The following DMBT1 variants were observed in gnomAD, a reference collection of about 807,000 sequenced individuals.
DMBT1 encodes deleted in malignant brain tumors 1.
A neutral mutation model predicts 252.9 loss-of-function variants in DMBT1; 198 were observed. The ratio of observed to expected loss-of-function variants is 0.78; its 90% CI spans 0.70 to 0.88. The LOEUF is 0.88. DMBT1 is among the 40% of genes least tolerant of loss of function. The pLI, the probability that DMBT1 is intolerant of heterozygous loss-of-function variation, is 0.00. For missense variants in DMBT1, 2,432 were observed against 2,404.7 expected (o/e 1.01, Z -0.24); for synonymous variants, 990 against 942.7 (o/e 1.05, Z -0.92).
At position 122,579,675 on chromosome 10, in the gene DMBT1, T is replaced by C. The variant is rs200365433; in HGVS notation, c.777T>C (p.Cys259=). The C allele has an allele frequency of 1.1e-3, 1,800 of 1,613,854 alleles. 34 individuals are homozygous for C. In the South Asian group the frequency reaches 0.019, roughly 17 times the overall value. ...VLYRGSWGTV[C]DDYWDTNDAN... is the part of the protein sequence containing the mutation. ...ACCGAGGCTCCTGGGGCACCGTGTG[T>C]GATGACTACTGGGACACCAATGATG... Residue 259 remains cysteine (C), a synonymous_variant, in exon 10 of 56, where the codon TGT becomes TGC. Transcript: ENST00000338354.
chr10:122,568,984 T>C (rs2133516692), intron 2 of DMBT1, among the ~76,000 whole-genome samples: 1 of 152,316 alleles, frequency 6.6e-6, no homozygotes, highest in South Asian at 2.1e-4. Context: ...TGTGCGTACA[T>C]ATGTGTGTGC....
Position 122,592,397 on chromosome 10 carries a change from A to G in DMBT1, c.2302A>G (p.Asn768Asp). 6.3e-7 allele frequency: 1 copy of G among 1,588,506 alleles called. No homozygotes were observed. Among genetic ancestry groups the G allele is most frequent in the Non-Finnish European group, 8.6e-7 (1 of 1,165,828 alleles). Residue 768 changes from asparagine (N) to aspartate (D), a missense_variant, in exon 20 of 56, where the codon AAT (asparagine) becomes GAT (aspartate). This residue lies in a region of DMBT1 where 1,264 missense variants were observed against 1,082.2 expected (regional missense o/e 1.17). Coordinates refer to ENST00000338354, the MANE Select transcript of DMBT1 (RefSeq NM_001377530.1). ...CDDSWDTNDA[N>D]VVCRQLGCGW... The stretch of plus-strand genomic sequence containing the variant: ...TGACAGCTGGGATACCAATGATGCC[A>G]ATGTGGTCTGCAGGCAGCTGGGCTG...
chr10:122,579,846 T>C lies in DMBT1; in HGVS notation c.948T>C (p.Asn316=), dbSNP rs202149132. 2 of 1,611,762 alleles carry C rather than the reference T, an allele frequency of 1.2e-6. No individual in the cohort carries two copies. Among genetic ancestry groups the C allele is most frequent in the South Asian group, 1.1e-5 (1 of 90,976 alleles). ...CCTACCTGTGGAGCTGCCCCCACAA[T>C]GGCTGGCTCACCCACAACTGTGGCC... ...HESYLWSCPH[N]GWLTHNCGHS... The change falls in exon 10 of 56, where the codon AAT becomes AAC. Residue 316 remains asparagine (N), a synonymous_variant. Transcript: ENST00000338354.
rs895372681 is a variant in DMBT1 at position 122,633,193 on chromosome 10, G to A, written c.6400G>A (p.Asp2134Asn). Residue 2134 changes from aspartate to asparagine, a missense_variant and splice_region_variant, in exon 52 of 56, where the codon GAT (aspartate) becomes AAT (asparagine). Coordinates refer to ENST00000338354, the MANE Select transcript of DMBT1 (RefSeq NM_001377530.1). ...ATTCCCACTTTTTGTCCTGACAGCA[G>A]ATTATTCCTGCGGAGGCTTCCTATC... is the stretch of plus-strand genomic sequence containing the variant. ...PFLNITRPNTDYSCGGFLSQP... is the reference protein window; with the variant it reads ...PFLNITRPNTNYSCGGFLSQP... 4 of 1,613,914 alleles carry A rather than the reference G, an allele frequency of 2.5e-6. No homozygotes were observed. In the Admixed American group the frequency reaches 5.0e-5, roughly 20 times the overall value.
chr10:122,629,684 G>C (rs1203253060), intron 46 of DMBT1, among the ~76,000 whole-genome samples, 156 bp from the exon 47 acceptor site: 1 of 152,220 alleles, frequency 6.6e-6, no homozygotes, highest in Non-Finnish European at 1.5e-5. Context: ...GGGCCACCTA[G>C]AACCAGGCCC....
At chr10:122,576,287 A>C (rs1325390452) in intron 6 of DMBT1, 112 bp from the exon 7 acceptor site, 3 of 1,447,108 alleles carry the variant, frequency 2.1e-6, no homozygotes, top group African/African-American at 1.4e-5. Flanking sequence ...CAGCCCAATT[A>C]GAGATTCTCT....
chr10:122,643,168 C>G lies in DMBT1; in HGVS notation c.7399C>G (p.Arg2467Gly), dbSNP rs763374104. Residue 2467 changes from arginine (R) to glycine (G), a missense_variant, in exon 56 of 56, where the codon CGC (arginine) becomes GGC (glycine). Transcript: ENST00000338354. The stretch of plus-strand genomic sequence containing the variant: ...CGGACCCTACTCCTCGCCATCTCTT[C>G]GCATTGCCCGCTTCCGGTTCAGGGC... ...TYGPYSSPSL[R>G]IARFRFRAFH... 1.4e-5 allele frequency: 23 copies of G among 1,613,878 alleles called. No individual in the cohort carries two copies. The highest frequency in any genetic ancestry group is 1.9e-5 in the Non-Finnish European group (23 of 1,179,898).
intron 15 of DMBT1, among the ~76,000 whole-genome samples, chr10:122,585,829 T>C (rs2097784718): frequency 1.3e-5 from 2 of 148,778 alleles, no homozygotes; most frequent in South Asian, 4.5e-4. Flanking sequence ...TTTCCGTTCC[T>C]GTTAACTCCA....
intron 1 of DMBT1, among the ~76,000 whole-genome samples, chr10:122,561,201 T>C (rs2097542735): frequency 6.6e-6 from 1 of 152,254 alleles, no homozygotes; most frequent in Non-Finnish European, 1.5e-5. Flanking sequence ...TTGTGTGCTA[T>C]GAAAACGGGC....
rs765686955 is a variant in DMBT1 at position 122,640,103 on chromosome 10, A to C, written c.7006A>C (p.Lys2336Gln). 5.0e-6 allele frequency: 8 copies of C among 1,614,022 alleles called. No homozygotes were observed. Among genetic ancestry groups the C allele is most frequent in the Non-Finnish European group, 6.8e-6 (8 of 1,179,898 alleles). ...AGCAGCTGTCTCAGGTGGCATCATC[A>C]AGAGGAGGACAGACCTCCGTATTCA... is the stretch of plus-strand genomic sequence containing the variant. ...LTAAVSGGII[K>Q]RRTDLRIHVS... is the part of the protein sequence containing the mutation. Residue 2336 changes from lysine (K) to glutamine (Q), a missense_variant, in exon 55 of 56, where the codon AAG becomes CAG. Physicochemically the swap from Lys to Gln is moderately conservative, Grantham distance 53 (BLOSUM62 1). Coordinates refer to ENST00000338354, the MANE Select transcript of DMBT1 (RefSeq NM_001377530.1).
At chr10:122,617,636 C>T (rs1289615824) in intron 40 of DMBT1, among the ~76,000 whole-genome samples, 2 of 151,798 alleles carry the variant, frequency 1.3e-5, no homozygotes, top group South Asian at 4.2e-4. Context: ...CTTGCCATCC[C>T]TGGAAATTTG....
At chr10:122,634,449 TCTCTC>T (rs1566008539) in intron 52 of DMBT1, among the ~76,000 whole-genome samples, 223 of 74,170 alleles carry the variant, frequency 3.0e-3, no homozygotes, top group African/African-American at 0.014. Context: ...TCTCTCTCTC[TCTCTC>T]TCTCTCTCTC....
At position 122,633,119 on chromosome 10, in the gene DMBT1, T is replaced by C; in HGVS notation, c.6398-72T>C. 5 of 1,549,996 alleles carry C rather than the reference T, an allele frequency of 3.2e-6. 1 individual carries two copies. In the South Asian group the frequency reaches 5.1e-5, roughly 16 times the overall value. On this transcript the variant is annotated intron_variant, in intron 51 of 55. Transcript: ENST00000338354. ...ATAAAATTTTAAAGTAATTTAAATT[T>C]AAAGTAGTCCGCAGGTAGACTGTGC...
intron 1 of DMBT1, among the ~76,000 whole-genome samples, chr10:122,561,948 A>C (rs2097550784): frequency 1.4e-5 from 2 of 142,184 alleles, no homozygotes; most frequent in African/African-American, 2.6e-5. Context: ...AACTATTATC[A>C]CCTTTCCTCT....
intron 16 of DMBT1, 135 bp from the exon 17 acceptor site, chr10:122,588,809 G>A (rs2097819892): frequency 6.9e-7 from 1 of 1,451,256 alleles, no homozygotes; most frequent in Admixed American, 1.8e-5. Context: ...CTGAACCTCT[G>A]GTTGCAGTCA....
At chr10:122,568,425 A>G (rs1424616143) in intron 2 of DMBT1, among the ~76,000 whole-genome samples, 1 of 152,086 alleles carries the variant, frequency 6.6e-6, no homozygotes, top group Non-Finnish European at 1.5e-5. Context: ...ACAGAATGAG[A>G]AGAGGGCAAA....
At position 122,599,109 on chromosome 10, in the gene DMBT1, A is replaced by C; in HGVS notation, c.3280+12A>C. 1 of 1,613,846 alleles carries C rather than the reference A, an allele frequency of 6.2e-7. No individual in the cohort carries two copies. Among genetic ancestry groups the C allele is most frequent in the Non-Finnish European group, 8.5e-7 (1 of 1,179,752 alleles). ...TGTCATCTGCTCAGGTGGGCCTTCA[A>C]GAACTTGGGATCACTCTCTTGGGGT... On this transcript the variant is annotated intron_variant, in intron 26 of 55. Transcript: ENST00000338354.
rs554902062 is a variant in DMBT1 at position 122,561,275 on chromosome 10, T to G, written c.61+444T>G. Reference sequence around the variant, plus strand: ...CTTTCTACAGGTGTGTCTGGCTTGATGGCTAATATTTGCCGAGCAAAATCA... The same window carrying G: ...CTTTCTACAGGTGTGTCTGGCTTGAGGGCTAATATTTGCCGAGCAAAATCA... On this transcript the variant is annotated intron_variant, in intron 1 of 55. Transcript: ENST00000338354. Among the ~76,000 whole-genome samples the G allele has an allele frequency of 2.0e-4, 31 of 152,340 alleles. No homozygotes were observed. The South Asian group carries it at 3.1e-3, about 15-fold the overall frequency.
chr10:122,635,713 G>A (rs1227162512), intron 52 of DMBT1, among the ~76,000 whole-genome samples: 4 of 152,058 alleles, frequency 2.6e-5, no homozygotes, highest in Middle Eastern at 3.4e-3. Flanking sequence ...GTGCCACCAC[G>A]CCCGGCTAAT....
Sources: allele counts gnomAD v4.1 joint callset (sites outside exome capture counted in the v4.1 genomes callset), GRCh38; gene constraint gnomAD v4.1.1; regional missense constraint gnomAD v4.1.1; transcripts MANE v1.5; gene names NCBI Gene and HGNC (gene_info 2026-07-23, HGNC 2026-07-21).